The following MYO10 variants were observed in gnomAD, a reference collection of about 807,000 sequenced individuals.
MYO10 encodes the protein unconventional myosin-X.
MYO10 carries 133 observed loss-of-function variants against 257.3 expected under a neutral mutation model. The ratio of observed to expected loss-of-function variants is 0.52; its 90% CI spans 0.45 to 0.60. The LOEUF (loss-of-function observed/expected upper bound fraction) is 0.60. Among genes scored for constraint, MYO10 ranks in the 20% least tolerant of loss-of-function variants. MYO10 has a pLI of 0.00. For synonymous variants in MYO10, 1,104 were observed against 1,028.6 expected (o/e 1.07, Z -1.40); for missense variants, 2,399 against 2,635.7 (o/e 0.91, Z 1.97).
chr5:16,724,230 A>G (rs1739266859), intron 19 of MYO10, among the ~76,000 whole-genome samples: 1 of 152,236 alleles, frequency 6.6e-6, no homozygotes, highest in South Asian at 2.1e-4. Context: ...ACTGCATTTC[A>G]GCTCTGTACT....
intron 2 of MYO10, among the ~76,000 whole-genome samples, chr5:16,824,616 C>A (rs1415499982): frequency 6.6e-6 from 1 of 152,150 alleles, no homozygotes; most frequent in Non-Finnish European, 1.5e-5. Flanking sequence ...CGCTTGTAAT[C>A]CCAGCACTTT....
Position 16,891,377 on chromosome 5 carries a change from AAG to A in MYO10, c.22-13672_22-13671del, listed in dbSNP as rs1745053437. ...GAAGGAAGGAAGGAAGGAAGGAAGG[AAG>A]GAGAGAGAGAGGAAGGAGGAAGGAG... On this transcript the variant is annotated intron_variant, in intron 1 of 40. Coordinates refer to ENST00000513610, the MANE Select transcript of MYO10 (RefSeq NM_012334.3). 6.5e-5 allele frequency among the ~76,000 whole-genome samples: 7 copies of A among 106,996 alleles called. No homozygotes were observed. In the South Asian group the frequency reaches 1.5e-3, roughly 23 times the overall value. The allele number at this position is 106,996 out of a possible 152,430, so 70.2% of individuals were successfully genotyped here. A position where few individuals can be genotyped will look rare whatever the true frequency, so the allele number is the denominator to read the frequency against.
intron 1 of MYO10, among the ~76,000 whole-genome samples, chr5:16,884,434 T>C (rs1230196097): frequency 6.6e-6 from 1 of 152,174 alleles, no homozygotes; most frequent in African/African-American, 2.4e-5. Context: ...AATAACTTTG[T>C]AATGCATAAG....
intron 18 of MYO10, among the ~76,000 whole-genome samples, chr5:16,757,318 A>G (rs954508281): frequency 8.2e-5 from 12 of 145,944 alleles, no homozygotes; most frequent in Non-Finnish European, 1.7e-4. Flanking sequence ...ACACACACGC[A>G]CACACACACA....
intron 27 of MYO10, among the ~76,000 whole-genome samples, chr5:16,690,840 G>A (rs1737465110): frequency 6.6e-6 from 1 of 151,982 alleles, no homozygotes; most frequent in South Asian, 2.1e-4. Flanking sequence ...CAACACTAGA[G>A]AAATAAAATT....
At chr5:16,790,773 A>G (rs927036697) in intron 4 of MYO10, among the ~76,000 whole-genome samples, 2 of 152,118 alleles carry the variant, frequency 1.3e-5, no homozygotes, top group African/African-American at 2.4e-5. Flanking sequence ...ACACCATAAT[A>G]AACTAAACCC....
At chr5:16,825,266 G>A (rs1178306994) in intron 2 of MYO10, among the ~76,000 whole-genome samples, 1 of 152,136 alleles carries the variant, frequency 6.6e-6, no homozygotes, top group Non-Finnish European at 1.5e-5. Flanking sequence ...AGGCACCCCT[G>A]CCACTCTCTT....
intron 18 of MYO10, 105 bp from the exon 19 acceptor site, chr5:16,755,013 A>C: frequency 1.6e-6 from 1 of 614,198 alleles, no homozygotes; most frequent in South Asian, 3.7e-5. Context: ...CACAATATAA[A>C]TCATAGGACT....
At chr5:16,702,437 C>T in intron 24 of MYO10, 106 bp downstream of exon 24, 1 of 1,071,046 alleles carries the variant, frequency 9.3e-7, no homozygotes, top group Middle Eastern at 2.0e-4. Context: ...AATTGTTCTT[C>T]CTGTTATCTT....
At chr5:16,718,500 G>T (rs1446021667) in intron 19 of MYO10, among the ~76,000 whole-genome samples, 1 of 151,886 alleles carries the variant, frequency 6.6e-6, no homozygotes, top group Non-Finnish European at 1.5e-5. Context: ...TTAGCTCAAG[G>T]TTTGTGAGTG....
chr5:16,807,585 T>C (rs189338781), intron 3 of MYO10, among the ~76,000 whole-genome samples: 44 of 152,088 alleles, frequency 2.9e-4, no homozygotes, highest in Admixed American at 2.1e-3. Flanking sequence ...CTTCCTCCAT[T>C]GCTCTCGACC....
intron 4 of MYO10, among the ~76,000 whole-genome samples, chr5:16,784,803 TAAAAG>T (rs1363797814): frequency 2.0e-5 from 3 of 152,122 alleles, no homozygotes; most frequent in Non-Finnish European, 4.4e-5. Flanking sequence ...TTGCATGTAA[TAAAAG>T]AGAAGAAATG....
Position 16,783,953 on chromosome 5 carries a change from C to T in MYO10, c.468-484G>A, listed in dbSNP as rs935946391. 5.9e-5 allele frequency among the ~76,000 whole-genome samples: 9 copies of T among 152,174 alleles called. No individual in the cohort carries two copies. In the East Asian group the frequency reaches 1.7e-3, roughly 29 times the overall value. On this transcript the variant is annotated intron_variant, in intron 4 of 40. Transcript: ENST00000513610. ...GGCAATGAACCTGCGGGTACACAACCCACACTAACTCATGTTATTCCCACA... is the reference window on the plus strand; with the variant it reads ...GGCAATGAACCTGCGGGTACACAACTCACACTAACTCATGTTATTCCCACA...
At position 16,663,328 on chromosome 5, in the gene MYO10, G is replaced by GTTTTTTTTTTT. The variant is rs70940395; in HGVS notation, c.*3353_*3363dup. ...AAAAAGTAACATTTTACTTCTAGTT[G>GTTTTTTTTTTT]TTTTTTTTTTTTTTTTTTTTTTTTT... On this transcript the variant is annotated 3_prime_UTR_variant, in exon 41 of 41. Coordinates refer to ENST00000513610, the MANE Select transcript of MYO10 (RefSeq NM_012334.3). 14 of 76,888 alleles carry GTTTTTTTTTTT rather than the reference G, an allele frequency of 1.8e-4. 3 individuals are homozygous for GTTTTTTTTTTT. The highest frequency in any genetic ancestry group is 5.2e-4 in the African/African-American group (8 of 15,522). The allele number at this position is 76,888 out of a possible 1,614,324, so 4.8% of individuals were successfully genotyped here.
At position 16,895,761 on chromosome 5, in the gene MYO10, C is replaced by G. The variant is rs1404630963; in HGVS notation, c.22-18054G>C. On this transcript the variant is annotated intron_variant, in intron 1 of 40. Coordinates refer to ENST00000513610, the MANE Select transcript of MYO10 (RefSeq NM_012334.3). ...CCCCTCCCCAACACCACAACACACACACACACACACACACACACACACACA... is the reference window on the plus strand; with the variant it reads ...CCCCTCCCCAACACCACAACACACAGACACACACACACACACACACACACA... 1.2e-4 allele frequency among the ~76,000 whole-genome samples: 7 copies of G among 58,120 alleles called. 1 individual carries two copies. Among genetic ancestry groups the G allele is most frequent in the Non-Finnish European group, 3.3e-4 (7 of 21,136 alleles). The allele number at this position is 58,120 out of a possible 152,430, so 38.1% of individuals were successfully genotyped here.
intron 19 of MYO10, among the ~76,000 whole-genome samples, chr5:16,729,453 A>ATTTTT (rs1314577938): frequency 7.2e-6 from 1 of 138,140 alleles, no homozygotes; most frequent in African/African-American, 2.7e-5. Flanking sequence ...TGTATTTTCT[A>ATTTTT]TTTTTTTTTT....
intron 1 of MYO10, among the ~76,000 whole-genome samples, chr5:16,926,206 A>T (rs1746127246): frequency 6.6e-6 from 1 of 152,370 alleles, no homozygotes; most frequent in African/African-American, 2.4e-5. Flanking sequence ...GGAGAATTTC[A>T]AATTTTGGAT....
rs555156767 is a variant in MYO10 at position 16,687,842 on chromosome 5, G to C, written c.3896+1982C>G. On this transcript the variant is annotated intron_variant, in intron 28 of 40. Transcript: ENST00000513610. ...TCAAAAATATCCCAAATTAAACATT[G>C]AAAAAGACATACATTCAAGTTGTAG... Among the ~76,000 whole-genome samples, 4 of 152,134 alleles carry C rather than the reference G, an allele frequency of 2.6e-5. No individual in the cohort carries two copies. In the South Asian group the frequency reaches 8.3e-4, roughly 32 times the overall value.
chr5:16,779,567 T>C lies in MYO10; in HGVS notation c.908A>G (p.Gln303Arg), dbSNP rs1412607224. 1 of 1,584,918 alleles carries C rather than the reference T, an allele frequency of 6.3e-7. No homozygotes were observed. Among genetic ancestry groups the C allele is most frequent in the Non-Finnish European group, 8.6e-7 (1 of 1,169,088 alleles). The part of the protein sequence containing the change: ...GCVEDKTISD[Q>R]ESFREVITAM... ...TACAATAACTTCCCTAAAGGATTCC[T>C]GGTCACTGATTGTCTTGTCTTCTAC... Residue 303 changes from glutamine to arginine, a missense_variant, in exon 9 of 41, where the codon CAG becomes CGG. Around this residue, in one of 3 missense-constraint regions of MYO10, gnomAD observed 337 missense variants for 446.8 expected, o/e 0.75. Coordinates refer to ENST00000513610, the MANE Select transcript of MYO10 (RefSeq NM_012334.3).
Sources: gnomAD v4.1 joint callset for allele counts (sites outside exome capture counted in the v4.1 genomes callset) on GRCh38, gnomAD v4.1.1 for gene constraint, gnomAD v4.1.1 regional missense constraint, MANE v1.5 for transcripts, NCBI Gene and HGNC (gene_info 2026-07-23, HGNC 2026-07-21) for gene names.